The following ANTXR2 variants were observed in gnomAD, a reference collection of about 807,000 sequenced individuals.
ANTXR2 encodes the protein anthrax toxin receptor 2.
Under a neutral mutation model 73.7 loss-of-function variants are expected in ANTXR2, and 44 were observed. That is an observed-to-expected ratio of 0.60 (90% CI 0.47 to 0.77). ANTXR2 has a LOEUF of 0.77. Ranked by LOEUF, ANTXR2 falls within the 30% of genes least tolerant of loss-of-function variation. The probability of loss-of-function intolerance (pLI) is 0.00; values close to 1 mark genes in which losing one functional copy is unlikely to be tolerated. For synonymous variants in ANTXR2, 217 were observed against 205.9 expected (o/e 1.05, Z -0.46); for missense variants, 604 against 592.5 (o/e 1.02, Z -0.20).
At chr4:80,060,297 G>T (rs34830342) in intron 3 of ANTXR2, among the ~76,000 whole-genome samples, 1 of 152,136 alleles carries the variant, frequency 6.6e-6, no homozygotes, top group Non-Finnish European at 1.5e-5. Flanking sequence ...ACATGTTTGT[G>T]TTGGGTCAGG....
At chr4:79,925,352 T>C in intron 16 of ANTXR2, among the ~76,000 whole-genome samples, 1 of 151,780 alleles carries the variant, frequency 6.6e-6, no homozygotes, top group Admixed American at 6.6e-5. Flanking sequence ...TATGCAGGTT[T>C]CTTGGGCACT....
chr4:79,999,355 T>A (rs1398332037), intron 12 of ANTXR2, among the ~76,000 whole-genome samples: 1 of 152,000 alleles, frequency 6.6e-6, no homozygotes, highest in South Asian at 2.1e-4. Flanking sequence ...TAGGCCTCTC[T>A]TTCCTTCTTC....
chr4:79,964,902 C>A (rs1180690208), intron 16 of ANTXR2: 1 of 152,272 alleles, frequency 6.6e-6, no homozygotes, highest in African/African-American at 2.4e-5. Flanking sequence ...AAGCCCGGGC[C>A]CGGCGTGCGG....
In ANTXR2 at chr4:80,072,595, G is replaced by A; in HGVS notation, c.-35C>T. On this transcript the variant is annotated 5_prime_UTR_variant, in exon 1 of 17. Coordinates refer to ENST00000403729, the MANE Select transcript of ANTXR2 (RefSeq NM_058172.6). ...GGGGGCCTGAGACTCCCTCCCGCTC[G>A]CAGTCCCCTAAGCTCAGGAGGGTCG... 6.7e-7 allele frequency: 1 copy of A among 1,481,616 alleles called. No homozygotes were observed. The highest frequency in any genetic ancestry group is 8.9e-7 in the Non-Finnish European group (1 of 1,117,868). 91.8% of individuals were successfully genotyped at this position (1,481,616 alleles called of 1,614,324 possible).
intron 11 of ANTXR2, among the ~76,000 whole-genome samples, chr4:80,013,992 C>T (rs538400298): frequency 5.3e-5 from 8 of 152,216 alleles, no homozygotes; most frequent in South Asian, 4.2e-4. Context: ...GGGAGATCAC[C>T]GGTGACCCCT....
chr4:80,034,349 T>C (rs1732853932), intron 8 of ANTXR2, among the ~76,000 whole-genome samples: 1 of 152,158 alleles, frequency 6.6e-6, no homozygotes. Flanking sequence ...TTAACGCTTA[T>C]TTAAAAGGTA....
At chr4:80,071,529 T>C (rs968399685) in intron 2 of ANTXR2, 54 bp downstream of exon 2, 1 of 1,463,226 alleles carries the variant, frequency 6.8e-7, no homozygotes, top group Non-Finnish European at 9.6e-7. Context: ...AAAGGGAAAT[T>C]CTACACTTTG....
chr4:80,000,114 C>T (rs1160065385), intron 12 of ANTXR2, among the ~76,000 whole-genome samples: 3 of 151,912 alleles, frequency 2.0e-5, no homozygotes, highest in Non-Finnish European at 4.4e-5. Flanking sequence ...TGAGGCATCC[C>T]TGTGGGGTAT....
chr4:80,002,060 T>G (rs1731069532), intron 12 of ANTXR2, among the ~76,000 whole-genome samples: 1 of 152,086 alleles, frequency 6.6e-6, no homozygotes, highest in African/African-American at 2.4e-5. Context: ...AAAAAACTAC[T>G]TTAAAGTTCG....
At chr4:80,066,753 G>A (rs995342141) in intron 3 of ANTXR2, among the ~76,000 whole-genome samples, 5 of 151,964 alleles carry the variant, frequency 3.3e-5, no homozygotes, top group Non-Finnish European at 7.4e-5. Context: ...CATCATTGCC[G>A]TCATTATATA....
intron 16 of ANTXR2, among the ~76,000 whole-genome samples, chr4:79,937,365 T>C (rs982953844): frequency 5.3e-5 from 8 of 152,226 alleles, no homozygotes. Context: ...CATAAATGTT[T>C]AGGCTAGTTT....
At position 79,903,471 on chromosome 4, in the gene ANTXR2, A is replaced by G. The variant is rs1726786025; in HGVS notation, c.*3958T>C. 2.0e-5 allele frequency: 3 copies of G among 152,116 alleles called. No homozygotes were observed. Among genetic ancestry groups the G allele is most frequent in the Non-Finnish European group, 4.4e-5 (3 of 68,020 alleles). 9.4% of individuals were successfully genotyped at this position (152,116 alleles called of 1,614,324 possible). A position where few individuals can be genotyped will look rare whatever the true frequency, so the allele number is the denominator to read the frequency against. ...TACATGTTGTACTGTGTACTTACTT[A>G]TCAGCCTTTTCTTTTGGCAGGAGAG... On this transcript the variant is annotated 3_prime_UTR_variant, in exon 17 of 17. Coordinates refer to ENST00000403729, the MANE Select transcript of ANTXR2 (RefSeq NM_058172.6).
intron 16 of ANTXR2, among the ~76,000 whole-genome samples, chr4:79,910,107 A>C (rs1727065778): frequency 6.6e-6 from 1 of 152,214 alleles, no homozygotes; most frequent in East Asian, 1.9e-4. Flanking sequence ...TATCAGTAAA[A>C]TGAAGACTAA....
chr4:80,018,495 T>C (rs1285702675), intron 11 of ANTXR2, among the ~76,000 whole-genome samples: 1 of 152,172 alleles, frequency 6.6e-6, no homozygotes, highest in African/African-American at 2.4e-5. Flanking sequence ...AAGTCACACA[T>C]TAAAATGCAA....
chr4:80,069,590 T>C (rs1446031786), intron 2 of ANTXR2, 83 bp from the exon 3 acceptor site: 2 of 1,136,726 alleles, frequency 1.8e-6, no homozygotes, highest in African/African-American at 3.2e-5. Context: ...GGGAGGTTCA[T>C]TTAAAATTGG....
In ANTXR2 at chr4:79,977,691, T is replaced by C. The variant is rs1729699089; in HGVS notation, c.1358A>G (p.Asp453Gly). 6.3e-7 allele frequency: 1 copy of C among 1,576,632 alleles called. No homozygotes were observed. Among genetic ancestry groups the C allele is most frequent in the Non-Finnish European group, 8.6e-7 (1 of 1,160,420 alleles). Reference protein sequence around the residue: ...KWYTPIKGRLDALWALLRRQY... With the variant: ...KWYTPIKGRLGALWALLRRQY... ...CCGCCTCAACAAAGCCCAGAGAGCA[T>C]CAAGACGACCCTAAGGGAAAATGAG... is the stretch of plus-strand genomic sequence containing the variant. Residue 453 changes from aspartate to glycine, a missense_variant, in exon 16 of 17, where the codon GAT (aspartate) becomes GGT (glycine). Asp to Gly is a moderately conservative substitution (Grantham distance 94). Coordinates refer to ENST00000403729, the MANE Select transcript of ANTXR2 (RefSeq NM_058172.6).
At chr4:79,920,977 C>A (rs555126751) in intron 16 of ANTXR2, among the ~76,000 whole-genome samples, 1 of 152,146 alleles carries the variant, frequency 6.6e-6, no homozygotes, top group East Asian at 1.9e-4. Flanking sequence ...ATATTTGAAT[C>A]ATGCATTTAG....
At chr4:79,987,752 C>G (rs1395767973) in intron 12 of ANTXR2, among the ~76,000 whole-genome samples, 1 of 152,176 alleles carries the variant, frequency 6.6e-6, no homozygotes, top group African/African-American at 2.4e-5. Flanking sequence ...GGAATCCCAT[C>G]AGGCCAACAG....
At chr4:80,034,905 T>C (rs1166478014) in intron 8 of ANTXR2, among the ~76,000 whole-genome samples, 1 of 152,064 alleles carries the variant, frequency 6.6e-6, no homozygotes, top group Non-Finnish European at 1.5e-5. Context: ...TAAAATAAAG[T>C]GCAGGTAAAA....
Sources: allele counts gnomAD v4.1 joint callset (sites outside exome capture counted in the v4.1 genomes callset), GRCh38; gene constraint gnomAD v4.1.1; transcripts MANE v1.5; gene names NCBI Gene and HGNC (gene_info 2026-07-23, HGNC 2026-07-21).